Variants in RELN observed in about 807,000 individuals in gnomAD.
RELN encodes the protein reelin.
A neutral mutation model predicts 427.6 loss-of-function variants in RELN; 108 were observed. That is an observed-to-expected ratio of 0.25 (90% CI 0.22 to 0.30). RELN has a LOEUF of 0.30. Ranked by LOEUF, RELN falls within the 10% of genes least tolerant of loss-of-function variation. The pLI, the probability that RELN is intolerant of heterozygous loss-of-function variation, is 1.00. For missense variants in RELN, 3,715 were observed against 4,302.8 expected (o/e 0.86, Z 3.82); for synonymous variants, 1,524 against 1,513.4 (o/e 1.01, Z -0.16).
chr7:103,761,314 T>C (rs1791292937), intron 4 of RELN, among the ~76,000 whole-genome samples: 1 of 152,218 alleles, frequency 6.6e-6, no homozygotes, highest in Non-Finnish European at 1.5e-5. Context: ...CTCATTGTCT[T>C]ACCATGCTCA....
rs541050386 is a variant in RELN at position 103,603,968 on chromosome 7, T to C, written c.3146+378A>G. On this transcript the variant is annotated intron_variant, in intron 23 of 64. Coordinates refer to ENST00000428762, the MANE Select transcript of RELN (RefSeq NM_005045.4). The surrounding 1 kb of genome is among the most constrained non-coding windows in gnomAD (Gnocchi z 4.3). ...CTGTCCTCATTAGCAATAATCACCA[T>C]CTCCCCATGTATACAACCTTGAACT... Among the ~76,000 whole-genome samples, 4 of 152,238 alleles carry C rather than the reference T, an allele frequency of 2.6e-5. No homozygotes were observed. The highest frequency in any genetic ancestry group is 2.9e-5 in the Non-Finnish European group (2 of 68,008).
intron 8 of RELN, among the ~76,000 whole-genome samples, chr7:103,709,885 G>A (rs1789750613): frequency 6.6e-6 from 1 of 152,040 alleles, no homozygotes. Context: ...AAATCTCTAT[G>A]GTCCCTATAA....
chr7:103,607,934 T>A (rs1055824345), intron 22 of RELN, among the ~76,000 whole-genome samples: 1 of 152,226 alleles, frequency 6.6e-6, no homozygotes, highest in African/African-American at 2.4e-5. Flanking sequence ...GTAACAAATG[T>A]TCATACACAA....
chr7:103,654,093 C>T lies in RELN; in HGVS notation c.1554G>A (p.Lys518=), dbSNP rs1832977453. Residue 518 remains lysine (K), a splice_region_variant and synonymous_variant, in exon 13 of 65, where the codon AAG becomes AAA. Coordinates refer to ENST00000428762, the MANE Select transcript of RELN (RefSeq NM_005045.4). ...TLDTLSYSSY[K]VPSLVSVVIN... is the part of the protein sequence containing the mutation. Reference sequence around the variant, plus strand: ...TTGCCACACAGACTGGCATGTGTACCTTATATGAGGAATAGGAAAGGGTAT... The same window carrying T: ...TTGCCACACAGACTGGCATGTGTACTTTATATGAGGAATAGGAAAGGGTAT... The T allele has an allele frequency of 1.3e-6, 2 of 1,540,964 alleles. No individual in the cohort carries two copies. Among genetic ancestry groups the T allele is most frequent in the South Asian group, 1.1e-5 (1 of 89,660 alleles).
chr7:103,870,007 T>C (rs996948616), intron 2 of RELN, among the ~76,000 whole-genome samples: 1 of 152,146 alleles, frequency 6.6e-6, no homozygotes, highest in African/African-American at 2.4e-5. Flanking sequence ...TCTGCCATCC[T>C]CATGTGCTTT....
intron 9 of RELN, among the ~76,000 whole-genome samples, chr7:103,700,305 A>G (rs1834063170): frequency 6.6e-6 from 1 of 152,160 alleles, no homozygotes; most frequent in Non-Finnish European, 1.5e-5. Flanking sequence ...AATCTAGCCA[A>G]ATCTTTTTAA....
chr7:103,929,126 A>C (rs541584075), intron 1 of RELN, among the ~76,000 whole-genome samples: 1 of 152,238 alleles, frequency 6.6e-6, no homozygotes, highest in Admixed American at 6.5e-5. Flanking sequence ...TGAATTTACC[A>C]ATGAACCAAC....
intron 8 of RELN, among the ~76,000 whole-genome samples, chr7:103,704,708 C>A (rs1834164236): frequency 6.6e-6 from 1 of 152,000 alleles, no homozygotes; most frequent in South Asian, 2.1e-4. Flanking sequence ...CTCGATGTCA[C>A]ACCCCCACCT....
At chr7:103,539,754 T>G (rs2117128203) in intron 44 of RELN, among the ~76,000 whole-genome samples, 1 of 152,350 alleles carries the variant, frequency 6.6e-6, no homozygotes, top group East Asian at 1.9e-4. Context: ...TTGATATACA[T>G]CTTATTATGT....
chr7:103,596,533 G>C lies in RELN; in HGVS notation c.3462C>G (p.Leu1154=). The change falls in exon 25 of 65, where the codon CTC becomes CTG. Residue 1154 remains leucine, a synonymous_variant. Transcript: ENST00000428762. ...TGCCCCCATTGTTGCTGTACTGAAG[G>C]AGGACGCCCTCCTCTCTGCTGTCAG... ...NKPDSREEGV[L]LQYSNNGGIQ... is the part of the protein sequence containing the mutation. 6.2e-7 allele frequency: 1 copy of C among 1,613,986 alleles called. No homozygotes were observed. Among genetic ancestry groups the C allele is most frequent in the Non-Finnish European group, 8.5e-7 (1 of 1,179,932 alleles).
intron 2 of RELN, among the ~76,000 whole-genome samples, chr7:103,875,084 C>T (rs550922736): frequency 6.9e-6 from 1 of 145,452 alleles, no homozygotes; most frequent in South Asian, 2.5e-4. Context: ...CTTTGACAAA[C>T]CTGAGAAAAA....
At chr7:103,477,438 T>C (rs1363607096) in intron 64 of RELN, among the ~76,000 whole-genome samples, 1 of 152,198 alleles carries the variant, frequency 6.6e-6, no homozygotes, top group Non-Finnish European at 1.5e-5. Context: ...AAATAATGAT[T>C]TATATGAATG....
intron 2 of RELN, among the ~76,000 whole-genome samples, chr7:103,876,881 C>A (rs148726008): frequency 6.6e-6 from 1 of 151,382 alleles, no homozygotes; most frequent in African/African-American, 2.4e-5. Context: ...ATTGCTTTCT[C>A]GATAGAGAAA....
rs563062129 is a variant in RELN at position 103,963,974 on chromosome 7, A to G, written c.226+25157T>C. The stretch of plus-strand genomic sequence containing the variant: ...GGCCAGGACTTTGGCATCCAGGGCA[A>G]CACAGAGAAACCCCATTTCTATAAA... On this transcript the variant is annotated intron_variant, in intron 1 of 64. Coordinates refer to ENST00000428762, the MANE Select transcript of RELN (RefSeq NM_005045.4). Among the ~76,000 whole-genome samples, 15 of 152,204 alleles carry G rather than the reference A, an allele frequency of 9.9e-5. No homozygotes were observed. The East Asian group carries it at 2.1e-3, about 22-fold the overall frequency.
At chr7:103,542,546 C>G (rs1203896392) in intron 43 of RELN, among the ~76,000 whole-genome samples, 185 bp downstream of exon 43, 1 of 152,166 alleles carries the variant, frequency 6.6e-6, no homozygotes, top group Non-Finnish European at 1.5e-5. Context: ...TGAATAATCT[C>G]TTTCAATTTT....
chr7:103,593,587 T>G, intron 27 of RELN, 95 bp downstream of exon 27: 1 of 1,065,562 alleles, frequency 9.4e-7, no homozygotes, highest in South Asian at 1.3e-5. Flanking sequence ...TTTAATAGAA[T>G]ATGAAAAATT....
Position 103,492,017 on chromosome 7 carries a change from C to G in RELN, c.9379G>C (p.Gly3127Arg). The change falls in exon 58 of 65, where the codon GGT becomes CGT. Residue 3127 changes from glycine (G) to arginine (R), a missense_variant. Physicochemically the swap from Gly to Arg is moderately radical, Grantham distance 125. Coordinates refer to ENST00000428762, the MANE Select transcript of RELN (RefSeq NM_005045.4). ...TCACCACAAGAAGTGGCTTCACAAC[C>G]CACCACAATCTAAAACAAACATAAA... is the stretch of plus-strand genomic sequence containing the variant. ...GYMMQFKIVV[G>R]CEATSCGDLH... The G allele has an allele frequency of 6.2e-7, 1 of 1,612,242 alleles. No individual in the cohort carries two copies. Among genetic ancestry groups the G allele is most frequent in the Non-Finnish European group, 8.5e-7 (1 of 1,178,902 alleles).
chr7:103,549,997 T>A lies in RELN; in HGVS notation c.6302+1070A>T, dbSNP rs142246035. On this transcript the variant is annotated intron_variant, in intron 41 of 64. Transcript: ENST00000428762. ...AGACACTCTTTGCCTCCTCTGGCTA[T>A]CAGTTCTTGAGGACTTTTTGCTTAG... Among the ~76,000 whole-genome samples the A allele has an allele frequency of 1.1e-4, 16 of 152,356 alleles. 1 individual carries two copies. The East Asian group carries it at 3.1e-3, about 29-fold the overall frequency.
chr7:103,972,233 A>G (rs776283106), intron 1 of RELN, among the ~76,000 whole-genome samples: 1 of 152,232 alleles, frequency 6.6e-6, no homozygotes, highest in African/African-American at 2.4e-5. Context: ...GGGCATGGAA[A>G]GATGCTGAAC....
Sources: gnomAD v4.1 joint callset for allele counts (sites outside exome capture counted in the v4.1 genomes callset) on GRCh38, gnomAD v4.1.1 for gene constraint, Gnocchi (gnomAD v3.1) non-coding constraint, MANE v1.5 for transcripts, NCBI Gene and HGNC (gene_info 2026-07-23, HGNC 2026-07-21) for gene names.